Variants in CUL5 observed in about 807,000 individuals in gnomAD.
The protein encoded by CUL5 is cullin-5.
CUL5 carries 26 observed loss-of-function variants against 108.8 expected under a neutral mutation model. The ratio of observed to expected loss-of-function variants is 0.24; its 90% confidence interval spans 0.18 to 0.33. The LOEUF is 0.33. CUL5 is among the 10% of genes least tolerant of loss of function. The probability of loss-of-function intolerance (pLI) is 1.00; values close to 1 mark genes in which losing one functional copy is unlikely to be tolerated. For synonymous variants in CUL5, 334 were observed against 298.0 expected (o/e 1.12, Z -1.25); for missense variants, 524 against 909.2 (o/e 0.58, Z 5.45).
rs907718566 is a variant in CUL5, at chr11:108,088,791, G to T, written c.1311+132G>T. The T allele has an allele frequency of 4.5e-6, 3 of 668,198 alleles. No individual in the cohort carries two copies. In the Admixed American group the frequency reaches 1.2e-4, roughly 27 times the overall value. The allele number at this position is 668,198 out of a possible 1,614,324, so 41.4% of individuals were successfully genotyped here. ...TAAAGAACTAATGTTACGAAGATTT[G>T]CAGTGCAAGACCTCTCGGGGGGTTA... is the stretch of plus-strand genomic sequence containing the variant. On this transcript the variant is annotated intron_variant, in intron 12 of 18. Coordinates refer to ENST00000393094, the MANE Select transcript of CUL5 (RefSeq NM_003478.6).
At chr11:108,075,720 A>G (rs4754292) in intron 10 of CUL5, among the ~76,000 whole-genome samples, 151,518 of 152,276 alleles carry the variant, frequency 1, 75,387 homozygotes, top group Middle Eastern at 1. Context: ...AAGTTTTTCT[A>G]TAGAGACAAC....
chr11:108,059,186 A>G (rs567951286), intron 7 of CUL5, among the ~76,000 whole-genome samples: 1 of 152,186 alleles, frequency 6.6e-6, no homozygotes, highest in Non-Finnish European at 1.5e-5. Flanking sequence ...CTTTAAGCCA[A>G]AATGACTTAA....
At chr11:108,016,033 CACTTTAGCCTCCT>C (rs1405422730) in intron 1 of CUL5, among the ~76,000 whole-genome samples, 1 of 152,068 alleles carries the variant, frequency 6.6e-6, no homozygotes, top group African/African-American at 2.4e-5. Flanking sequence ...GCGATCCTCC[CACTTTAGCCTCCT>C]GAGTGGCTGA....
chr11:108,061,377 C>T (rs781716365), intron 7 of CUL5, among the ~76,000 whole-genome samples: 6 of 152,162 alleles, frequency 3.9e-5, no homozygotes. Context: ...ATCTAGCAAT[C>T]TCCCTACTTT....
At chr11:108,038,836 A>G (rs1862814763) in intron 2 of CUL5, among the ~76,000 whole-genome samples, 1 of 152,100 alleles carries the variant, frequency 6.6e-6, no homozygotes, top group Non-Finnish European at 1.5e-5. Context: ...TAGGTTGCTT[A>G]TATCTTTCTA....
chr11:108,106,961 G>A lies in CUL5; in HGVS notation c.*2577G>A, dbSNP rs533168414. 8.0e-5 allele frequency: 12 copies of A among 150,516 alleles called. No homozygotes were observed. The South Asian group carries it at 2.5e-3, about 32-fold the overall frequency. The allele number at this position is 150,516 out of a possible 1,614,324, so 9.3% of individuals were successfully genotyped here. A position where few individuals can be genotyped will look rare whatever the true frequency, so the allele number is the denominator to read the frequency against. On this transcript the variant is annotated 3_prime_UTR_variant, in exon 19 of 19. Coordinates refer to ENST00000393094, the MANE Select transcript of CUL5 (RefSeq NM_003478.6). ...GACAGAGACATCCCATCTGGAAAAT[G>A]TTAACTTGTGTTGCCATCTCGTTGC...
chr11:108,095,587 G>T lies in CUL5; in HGVS notation c.1801G>T (p.Ala601Ser). Residue 601 changes from alanine to serine, a missense_variant, in exon 16 of 19, where the codon GCT becomes TCT. Physicochemically the swap from Ala to Ser is moderately conservative, Grantham distance 99 (BLOSUM62 1). Coordinates refer to ENST00000393094, the MANE Select transcript of CUL5 (RefSeq NM_003478.6). ...TTTGGAGGTAACCACGTTTCAGCTCGCTGTATTGTTTGCATGGAACCAAAG... is the reference window on the plus strand; with the variant it reads ...TTTGGAGGTAACCACGTTTCAGCTCTCTGTATTGTTTGCATGGAACCAAAG... ...YDLEVTTFQL[A>S]VLFAWNQRPR... 1.2e-6 allele frequency: 2 copies of T among 1,613,670 alleles called. No individual in the cohort carries two copies. The highest frequency in any genetic ancestry group is 1.7e-6 in the Non-Finnish European group (2 of 1,179,700).
chr11:108,025,410 G>A (rs1862429292), intron 1 of CUL5, among the ~76,000 whole-genome samples: 1 of 152,120 alleles, frequency 6.6e-6, no homozygotes, highest in South Asian at 2.1e-4. Context: ...TCTCTAAATA[G>A]TTTTGGATTT....
chr11:108,081,830 C>A (rs1298542739), intron 11 of CUL5, among the ~76,000 whole-genome samples: 2 of 152,192 alleles, frequency 1.3e-5, no homozygotes, highest in Admixed American at 1.3e-4. Flanking sequence ...ATATATTTGT[C>A]CTTATGCTGG....
intron 10 of CUL5, among the ~76,000 whole-genome samples, chr11:108,074,793 C>T (rs1453170888): frequency 4.0e-5 from 6 of 151,762 alleles, no homozygotes; most frequent in South Asian, 2.1e-4. Context: ...GCAACAAGAG[C>T]GAAACTCTGT....
At chr11:108,094,335 G>T in intron 13 of CUL5, 56 bp from the exon 14 acceptor site, 4 of 1,320,916 alleles carry the variant, frequency 3.0e-6, no homozygotes, top group Non-Finnish European at 4.1e-6. Context: ...ATTTTTCCCA[G>T]TAATATATCA....
chr11:108,091,732 C>CACACACACACACACACACACA (rs1555024090), intron 13 of CUL5, among the ~76,000 whole-genome samples: 1 of 149,806 alleles, frequency 6.7e-6, no homozygotes, highest in African/African-American at 2.5e-5. Flanking sequence ...CACACACACA[C>CACACACACACACACACACACA]GACAAATAAT....
intron 11 of CUL5, among the ~76,000 whole-genome samples, chr11:108,083,570 TGTTTAAGGCCACGA>T (rs1864150806): frequency 6.6e-6 from 1 of 152,122 alleles, no homozygotes; most frequent in South Asian, 2.1e-4. Context: ...GTGGGAGGAT[TGTTTAAGGCCACGA>T]GTTTAAGACC....
Position 108,023,613 on chromosome 11 carries a change from C to A in CUL5, c.25-10189C>A, listed in dbSNP as rs541829187. On this transcript the variant is annotated intron_variant, in intron 1 of 18. Transcript: ENST00000393094. ...GTACTACAGTTTAAGGAACACTATA[C>A]TAGAATGTGAATTGCTTGAGGACTT... 4.6e-5 allele frequency among the ~76,000 whole-genome samples: 7 copies of A among 152,256 alleles called. No homozygotes were observed. The East Asian group carries it at 1.4e-3, about 29-fold the overall frequency.
chr11:108,041,425 C>T (rs1862908791), intron 2 of CUL5, among the ~76,000 whole-genome samples: 1 of 150,824 alleles, frequency 6.6e-6, no homozygotes, highest in Non-Finnish European at 1.5e-5. Context: ...TTATAGGTGC[C>T]TGCCACCGTG....
At chr11:108,039,375 C>G (rs1174222667) in intron 2 of CUL5, among the ~76,000 whole-genome samples, 1 of 152,126 alleles carries the variant, frequency 6.6e-6, no homozygotes, top group Non-Finnish European at 1.5e-5. Flanking sequence ...TTCTCCTCAC[C>G]CTTCTGTGTC....
intron 11 of CUL5, among the ~76,000 whole-genome samples, chr11:108,080,662 G>A (rs1864056296): frequency 6.6e-6 from 1 of 152,056 alleles, no homozygotes; most frequent in African/African-American, 2.4e-5. Context: ...CCAAAGTGCT[G>A]GGATTACAGG....
chr11:108,031,456 G>C (rs1862582013), intron 1 of CUL5, among the ~76,000 whole-genome samples: 1 of 152,064 alleles, frequency 6.6e-6, no homozygotes, highest in Non-Finnish European at 1.5e-5. Flanking sequence ...AATCCATCTT[G>C]AGTTAATTTT....
chr11:108,043,841 C>T (rs936898691), intron 2 of CUL5, among the ~76,000 whole-genome samples: 3 of 152,132 alleles, frequency 2.0e-5, no homozygotes, highest in Non-Finnish European at 2.9e-5. Context: ...CCAGCCTGAC[C>T]AACATGGCAA....
Sources: allele counts gnomAD v4.1 joint callset (sites outside exome capture counted in the v4.1 genomes callset), GRCh38; gene constraint gnomAD v4.1.1; transcripts MANE v1.5; gene names NCBI Gene and HGNC (gene_info 2026-07-23, HGNC 2026-07-21).